Variants in NME8 observed in about 807,000 individuals in gnomAD.
The protein encoded by NME8 is NME/NM23 family member 8, also known as protein NME8.
Under a neutral mutation model 82.3 loss-of-function variants are expected in NME8, and 72 were observed. The ratio of observed to expected loss-of-function variants is 0.87; its 90% CI spans 0.72 to 1.06. The LOEUF (loss-of-function observed/expected upper bound fraction) is 1.06. Ranked by LOEUF, NME8 falls within the 50% of genes least tolerant of loss-of-function variation. NME8 has a pLI of 0.00. For synonymous variants in NME8, 267 were observed against 228.5 expected (o/e 1.17, Z -1.52); for missense variants, 712 against 685.4 (o/e 1.04, Z -0.43).
intron 12 of NME8, among the ~76,000 whole-genome samples, chr7:37,882,346 G>T (rs1316232156): frequency 6.6e-6 from 1 of 151,950 alleles, no homozygotes; most frequent in Non-Finnish European, 1.5e-5. Flanking sequence ...ACGTAGCCGG[G>T]CGTGGTGGCC....
chr7:37,885,016 C>G, intron 13 of NME8, 129 bp from the exon 14 acceptor site: 2 of 685,218 alleles, frequency 2.9e-6, no homozygotes, highest in Non-Finnish European at 5.2e-6. Flanking sequence ...TCACAGACCT[C>G]TGTTAAAAGA....
At position 37,864,322 on chromosome 7, in the gene NME8, C is replaced by T. The variant is rs781489577; in HGVS notation, c.455-26C>T. 5.1e-6 allele frequency: 8 copies of T among 1,583,950 alleles called. No individual in the cohort carries two copies. In the Admixed American group the frequency reaches 1.0e-4, roughly 20 times the overall value. ...GACTTCGTGCCAAGAAAATGAAATT[C>T]TGTCTTTTTCTAAATTTTTTTCCAG... On this transcript the variant is annotated intron_variant, in intron 8 of 17. Transcript: ENST00000199447.
intron 9 of NME8, among the ~76,000 whole-genome samples, 179 bp from the exon 10 acceptor site, chr7:37,865,346 C>T (rs1262503209): frequency 2.6e-5 from 4 of 152,156 alleles, no homozygotes; most frequent in Non-Finnish European, 4.4e-5. Context: ...GCAGAGCAGT[C>T]AAATCTTAAA....
chr7:37,881,800 A>G (rs1784950507), intron 12 of NME8, among the ~76,000 whole-genome samples: 1 of 152,218 alleles, frequency 6.6e-6, no homozygotes, highest in Non-Finnish European at 1.5e-5. Context: ...TGTATTTTTC[A>G]GAATGTTATT....
chr7:37,872,268 T>C (rs955411514), intron 11 of NME8, among the ~76,000 whole-genome samples: 3 of 152,196 alleles, frequency 2.0e-5, no homozygotes, highest in African/African-American at 7.2e-5. Flanking sequence ...AATGACCCAC[T>C]GTCTTCTAAA....
intron 11 of NME8, among the ~76,000 whole-genome samples, chr7:37,868,477 G>C (rs146955811): frequency 3.3e-5 from 5 of 152,218 alleles, no homozygotes; most frequent in Admixed American, 6.5e-5. Flanking sequence ...TAATAGGGAA[G>C]TCTAGTTACT....
At chr7:37,864,497 G>C (rs3816417) in intron 9 of NME8, 76 bp downstream of exon 9, 23 of 1,380,908 alleles carry the variant, frequency 1.7e-5, no homozygotes, top group Non-Finnish European at 2.3e-5. Context: ...AAAGACAAGC[G>C]TACCATTTAG....
chr7:37,872,958 G>A (rs148106716), intron 11 of NME8, among the ~76,000 whole-genome samples: 1 of 152,162 alleles, frequency 6.6e-6, no homozygotes, highest in Non-Finnish European at 1.5e-5. Flanking sequence ...GTAAGCACTT[G>A]TATACTTCAT....
intron 12 of NME8, among the ~76,000 whole-genome samples, chr7:37,878,039 C>T (rs180813248): frequency 1.3e-5 from 2 of 152,280 alleles, no homozygotes; most frequent in East Asian, 3.9e-4. Flanking sequence ...TGAGAGGAGA[C>T]ATCTTTGCCT....
intron 13 of NME8, 95 bp downstream of exon 13, chr7:37,884,542 C>A: frequency 9.4e-7 from 1 of 1,058,278 alleles, no homozygotes; most frequent in Non-Finnish European, 1.4e-6. Flanking sequence ...CCAAACTCCT[C>A]AAGTCTGTAA....
chr7:37,894,982 C>A (rs568363332), intron 16 of NME8, among the ~76,000 whole-genome samples: 75 of 152,142 alleles, frequency 4.9e-4, no homozygotes, highest in African/African-American at 1.8e-3. Flanking sequence ...CGCTGCTTCG[C>A]CAACATACTT....
intron 16 of NME8, among the ~76,000 whole-genome samples, chr7:37,895,909 G>T (rs76182950): frequency 6.6e-6 from 1 of 152,104 alleles, no homozygotes; most frequent in African/African-American, 2.4e-5. Flanking sequence ...GTGTGTAAGA[G>T]GCTATTCTAT....
intron 5 of NME8, among the ~76,000 whole-genome samples, chr7:37,854,949 C>T (rs1303767739): frequency 6.6e-6 from 1 of 152,178 alleles, no homozygotes; most frequent in Admixed American, 6.6e-5. Flanking sequence ...GCTTTTGCAG[C>T]TTTTTCTATA....
At chr7:37,882,546 G>GGAAAGAAAGAAAGAAAGAAAGAAA (rs753903098) in intron 12 of NME8, among the ~76,000 whole-genome samples, 3 of 102,016 alleles carry the variant, frequency 2.9e-5, no homozygotes, top group Non-Finnish European at 4.1e-5. Flanking sequence ...AGGGAGGAAG[G>GGAAAGAAAGAAAGAAAGAAAGAAA]GAAAGAAAGA....
At chr7:37,875,897 C>T (rs1784840103) in intron 11 of NME8, among the ~76,000 whole-genome samples, 1 of 152,034 alleles carries the variant, frequency 6.6e-6, no homozygotes, top group South Asian at 2.1e-4. Flanking sequence ...ATTAAAAATA[C>T]ATATTCCATA....
chr7:37,896,312 T>C (rs910336773), intron 16 of NME8, among the ~76,000 whole-genome samples: 6 of 152,282 alleles, frequency 3.9e-5, no homozygotes. Context: ...TATTGAGTAA[T>C]GATGCCATGA....
At chr7:37,878,820 T>C (rs1784898254) in intron 12 of NME8, among the ~76,000 whole-genome samples, 2 of 152,186 alleles carry the variant, frequency 1.3e-5, no homozygotes, top group Admixed American at 6.5e-5. Flanking sequence ...ATCAACATCA[T>C]GTATTACTGT....
At chr7:37,874,803 T>C (rs368934274) in intron 11 of NME8, among the ~76,000 whole-genome samples, 37 of 152,226 alleles carry the variant, frequency 2.4e-4, no homozygotes, top group Admixed American at 5.9e-4. Context: ...AGAATCATCA[T>C]TGGGTTTAAA....
intron 5 of NME8, 115 bp from the exon 6 acceptor site, chr7:37,857,159 G>T (rs952250781): frequency 2.6e-6 from 2 of 780,198 alleles, no homozygotes; most frequent in Admixed American, 2.2e-5. Context: ...AAGGCATACC[G>T]AATGTTGCAG....
Sources: allele counts gnomAD v4.1 joint callset (sites outside exome capture counted in the v4.1 genomes callset), GRCh38; gene constraint gnomAD v4.1.1; transcripts MANE v1.5; gene names NCBI Gene and HGNC (gene_info 2026-07-23, HGNC 2026-07-21).